Variants in GNL3L observed in about 807,000 individuals in gnomAD.
GNL3L encodes the protein guanine nucleotide-binding protein-like 3-like protein.
In GNL3L, 4 loss-of-function variants were observed where a neutral mutation model predicts 42.9. That is an observed-to-expected ratio of 0.09 (90% CI 0.05 to 0.21). The LOEUF is 0.21. Among genes scored for constraint, GNL3L ranks in the 10% least tolerant of loss-of-function variants. The pLI is 1.00. For synonymous variants in GNL3L, 159 were observed against 176.3 expected (o/e 0.90, Z 0.78); for missense variants, 412 against 481.7 (o/e 0.86, Z 1.36).
At chrX:54,593,373 G>A (rs1925892838) in intron 16 of GNL3L, among the ~76,000 whole-genome samples, 1 of 111,313 alleles carries the variant, frequency 9.0e-6, no homozygotes, top group Admixed American at 9.6e-5. Context: ...TGTCTATGAA[G>A]TAATAATTTC....
At chrX:54,603,867 G>A (rs763148600) in intron 16 of GNL3L, among the ~76,000 whole-genome samples, 1 of 111,469 alleles carries the variant, frequency 9.0e-6, no homozygotes, top group African/African-American at 3.3e-5. Flanking sequence ...ATTTAAAAAG[G>A]GGCCAGGAGT....
rs1381338891 is a variant in GNL3L, at chrX:54,563,770, A to G, written c.*3168A>G. On this transcript the variant is annotated 3_prime_UTR_variant, in exon 16 of 16. Coordinates refer to ENST00000360845, the MANE Select transcript of GNL3L (RefSeq NM_001184819.2). ...CACTGCTCTCCAGCGTGGGCAACAG[A>G]GTGAGACTGTCTCAGGGGGAAAAAA... Among the ~76,000 whole-genome samples the G allele has an allele frequency of 1.9e-5, 2 of 108,066 alleles. No individual in the cohort carries two copies. Among genetic ancestry groups the G allele is most frequent in the African/African-American group, 7.1e-5 (2 of 28,004 alleles). The allele number at this position is 108,066 out of a possible 115,157, so 93.8% of individuals were successfully genotyped here. A position where few individuals can be genotyped will look rare whatever the true frequency, so the allele number is the denominator to read the frequency against.
downstream of GNL3L, among the ~76,000 whole-genome samples, chrX:54,622,482 A>C (rs1926301395): frequency 9.3e-6 from 1 of 107,259 alleles, no homozygotes; most frequent in Non-Finnish European, 1.9e-5. Flanking sequence ...ATGGGGTTTC[A>C]CTATGTTGGC....
downstream of GNL3L, among the ~76,000 whole-genome samples, chrX:54,570,605 A>C (rs1925530800): frequency 9.4e-6 from 1 of 106,570 alleles, no homozygotes; most frequent in Non-Finnish European, 1.9e-5. Context: ...TATTTGTTCC[A>C]TGTATGCTTT....
In GNL3L at chrX:54,564,402, C is replaced by CTTTTTTTTTTTTTTTTTTTTT. The variant is rs567172499; in HGVS notation, c.*3820_*3821insTTTTTTTTTTTTTTTTTTTTT. 4.9e-5 allele frequency among the ~76,000 whole-genome samples: 4 copies of CTTTTTTTTTTTTTTTTTTTTT among 80,810 alleles called. No individual in the cohort carries two copies. The highest frequency in any genetic ancestry group is 1.5e-4 in the African/African-American group (3 of 20,058). 70.2% of individuals were successfully genotyped at this position (80,810 alleles called of 115,157 possible). A position where few individuals can be genotyped will look rare whatever the true frequency, so the allele number is the denominator to read the frequency against. On this transcript the variant is annotated 3_prime_UTR_variant, in exon 16 of 16. Coordinates refer to ENST00000360845, the MANE Select transcript of GNL3L (RefSeq NM_001184819.2). ...AGTCACTGGTTTTTTTCTTCGTTCT[C>CTTTTTTTTTTTTTTTTTTTTT]TTTTTTTTTTTTTTTTTTTTGAGAC...
chrX:54,547,850 C>T (rs1158979294), intron 8 of GNL3L, among the ~76,000 whole-genome samples: 1 of 111,966 alleles, frequency 8.9e-6, no homozygotes, highest in Non-Finnish European at 1.9e-5. Flanking sequence ...CCTGCGCAGG[C>T]AGGGAGGGTG....
chrX:54,567,447 G>A (rs1184502318), downstream of GNL3L, among the ~76,000 whole-genome samples: 1 of 110,158 alleles, frequency 9.1e-6, no homozygotes, highest in Non-Finnish European at 1.9e-5. Flanking sequence ...GGGAGTTTGA[G>A]ACCAGTCTGA....
the GNL3L span, among the ~76,000 whole-genome samples, chrX:54,628,675 A>T: frequency 1.9e-5 from 2 of 107,214 alleles, no homozygotes; most frequent in African/African-American, 6.8e-5. Context: ...AGAATTGTCT[A>T]TTCCTGTCCT....
chrX:54,610,030 G>T (rs932305962), intron 16 of GNL3L, among the ~76,000 whole-genome samples: 1 of 112,076 alleles, frequency 8.9e-6, no homozygotes, highest in Admixed American at 9.5e-5. Flanking sequence ...TCTTTCAGCA[G>T]TGTTTTGTAG....
intron 16 of GNL3L, among the ~76,000 whole-genome samples, chrX:54,602,543 A>C (rs1461057590): frequency 9.0e-6 from 1 of 111,198 alleles, no homozygotes; most frequent in Non-Finnish European, 1.9e-5. Context: ...TTTTTAGTGC[A>C]AACAGGACCC....
rs375919093 is a variant in GNL3L, at chrX:54,544,277, T to C, written c.581T>C (p.Leu194Ser). The C allele has an allele frequency of 2.5e-6, 3 of 1,193,150 alleles. No homozygotes were observed. In the Admixed American group the frequency reaches 6.6e-5, roughly 26 times the overall value. The change falls in exon 8 of 16, where the codon TTG becomes TCG. Residue 194 changes from leucine (L) to serine (S), a missense_variant. Leu to Ser is a moderately radical substitution (Grantham distance 145, BLOSUM62 -2). Transcript: ENST00000360845. Reference sequence around the variant, plus strand: ...TGGCTGGATTACCTTCGGAATGAGTTGCCAACCGTGGCTTTCAAGGCCAGT... The same window carrying C: ...TGGCTGGATTACCTTCGGAATGAGTCGCCAACCGTGGCTTTCAAGGCCAGT... The part of the protein sequence containing the change: ...EKWLDYLRNE[L>S]PTVAFKASTQ...
chrX:54,562,192 C>G lies in GNL3L; in HGVS notation c.*1590C>G, dbSNP rs1002283720. 1.8e-5 allele frequency among the ~76,000 whole-genome samples: 2 copies of G among 111,970 alleles called. No homozygotes were observed. The highest frequency in any genetic ancestry group is 6.5e-5 in the African/African-American group (2 of 30,794). ...TCCCAAGTAGCTGGGATTACAGGCA[C>G]CTGCCACCACGCCTGGCTAGTTTTT... is the stretch of plus-strand genomic sequence containing the variant. On this transcript the variant is annotated 3_prime_UTR_variant, in exon 16 of 16. Coordinates refer to ENST00000360845, the MANE Select transcript of GNL3L (RefSeq NM_001184819.2).
the GNL3L span, among the ~76,000 whole-genome samples, chrX:54,632,668 C>G: frequency 1.8e-5 from 2 of 111,013 alleles, no homozygotes; most frequent in African/African-American, 6.6e-5. Context: ...CTTCCATATC[C>G]TGTATTATGT....
downstream of GNL3L, among the ~76,000 whole-genome samples, chrX:54,624,623 T>C (rs1926332300): frequency 1.9e-5 from 2 of 108,106 alleles, no homozygotes; most frequent in Non-Finnish European, 3.8e-5. Flanking sequence ...GTATTTTTAG[T>C]AGAGACGGGG....
intron 16 of GNL3L, among the ~76,000 whole-genome samples, chrX:54,602,470 G>C (rs1926015100): frequency 9.1e-6 from 1 of 110,293 alleles, no homozygotes; most frequent in Admixed American, 9.7e-5. Context: ...TATCATGGAG[G>C]AGGTGCTTTA....
At chrX:54,571,629 C>G (rs940780565), downstream of GNL3L, among the ~76,000 whole-genome samples, 26 of 109,264 alleles carry the variant, frequency 2.4e-4, no homozygotes, top group Non-Finnish European at 3.4e-4. Context: ...ACTGCTGCAC[C>G]TGGCTTGAGA....
intron 16 of GNL3L, among the ~76,000 whole-genome samples, chrX:54,590,424 A>G (rs993059287): frequency 4.4e-4 from 49 of 111,751 alleles, no homozygotes; most frequent in African/African-American, 1.6e-3. Context: ...TCCTGCATCA[A>G]TTGATATGAT....
exon 17 of GNL3L, among the ~76,000 whole-genome samples, chrX:54,621,219 T>C (rs1419502823): frequency 8.9e-6 from 1 of 111,926 alleles, no homozygotes; most frequent in Admixed American, 9.5e-5. Context: ...TTAGGCTAAG[T>C]CATATAAAAT....
At chrX:54,556,544 C>CA (rs1466942413) in intron 14 of GNL3L, among the ~76,000 whole-genome samples, 1 of 110,891 alleles carries the variant, frequency 9.0e-6, no homozygotes, top group African/African-American at 3.3e-5. Context: ...GTTCTCTGGG[C>CA]AAGGGGGTCA....
Sources: gnomAD v4.1 joint callset for allele counts (sites outside exome capture counted in the v4.1 genomes callset) on GRCh38, gnomAD v4.1.1 for gene constraint, MANE v1.5 for transcripts, NCBI Gene and HGNC (gene_info 2026-07-23, HGNC 2026-07-21) for gene names.